The following RTN1 variants were observed in gnomAD, a reference collection of about 807,000 sequenced individuals.
RTN1 encodes reticulon 1, also known as reticulon-1.
Under a neutral mutation model 65.5 loss-of-function variants are expected in RTN1, and 25 were observed. That is an observed-to-expected ratio of 0.38 (90% confidence interval 0.28 to 0.53). RTN1 has a LOEUF of 0.53. RTN1 is among the 20% of genes least tolerant of loss of function. RTN1 has a pLI of 0.79. For synonymous variants in RTN1, 471 were observed against 447.6 expected, an observed-to-expected ratio of 1.05 and a Z score of -0.66; for missense variants, 983 against 1,025.4, an observed-to-expected ratio of 0.96 and a Z score of 0.57.
chr14:59,781,559 G>T (rs528292592), intron 1 of RTN1, among the ~76,000 whole-genome samples: 3 of 152,114 alleles, frequency 2.0e-5, no homozygotes, highest in African/African-American at 7.2e-5. Context: ...CCATGTTCTG[G>T]CATGGTTCAC....
rs145057113 is a variant in RTN1, at chr14:59,717,058, A to G, written c.1765+9861T>C. On this transcript the variant is annotated intron_variant, in intron 3 of 8. Coordinates refer to ENST00000267484, the MANE Select transcript of RTN1 (RefSeq NM_021136.3). ...CCACTGGATGGCAATAGACATTAAC[A>G]GTGAGTGGGGATAATCAATACAAAA... Among the ~76,000 whole-genome samples the G allele has an allele frequency of 2.2e-4, 33 of 152,178 alleles. 1 individual carries two copies. The highest frequency in any genetic ancestry group is 1.7e-3 in the Admixed American group (26 of 15,286).
chr14:59,844,393 T>G (rs1887369431), intron 1 of RTN1, among the ~76,000 whole-genome samples: 1 of 152,250 alleles, frequency 6.6e-6, no homozygotes. Flanking sequence ...TGCTTGCCAA[T>G]GCACTCTGCT....
rs536119592 is a variant in RTN1, at chr14:59,846,775, G to A, written c.241+23615C>T. On this transcript the variant is annotated intron_variant, in intron 1 of 8. Coordinates refer to ENST00000267484, the MANE Select transcript of RTN1 (RefSeq NM_021136.3). The surrounding 1 kb of genome is among the most constrained non-coding windows in gnomAD (Gnocchi z 4.8). ...CCAAGTGCCCCTTGGTTCGTAGCCAGGTGTCCGCATACCTGTTTGAGATGC... is the reference window on the plus strand; with the variant it reads ...CCAAGTGCCCCTTGGTTCGTAGCCAAGTGTCCGCATACCTGTTTGAGATGC... Among the ~76,000 whole-genome samples the A allele has an allele frequency of 6.6e-6, 1 of 152,118 alleles. No individual in the cohort carries two copies. The highest frequency in any genetic ancestry group is 1.5e-5 in the Non-Finnish European group (1 of 68,032).
At chr14:59,683,179 A>G (rs1412268413) in intron 3 of RTN1, among the ~76,000 whole-genome samples, 1 of 152,144 alleles carries the variant, frequency 6.6e-6, no homozygotes, top group African/African-American at 2.4e-5. Context: ...GCTTTTATAT[A>G]GCTGAAAAAT....
chr14:59,860,510 C>A (rs1401266745), intron 1 of RTN1, among the ~76,000 whole-genome samples: 1 of 152,212 alleles, frequency 6.6e-6, no homozygotes, highest in African/African-American at 2.4e-5. Flanking sequence ...GAGCCCCACA[C>A]AGACTCCCTA....
chr14:59,652,187 G>A (rs1031823586), intron 3 of RTN1, among the ~76,000 whole-genome samples: 2 of 152,224 alleles, frequency 1.3e-5, no homozygotes, highest in Non-Finnish European at 2.9e-5. Context: ...AATAGCAGAT[G>A]CTGGTGAGGT....
chr14:59,717,794 A>G (rs879753593), intron 3 of RTN1, among the ~76,000 whole-genome samples: 2 of 152,208 alleles, frequency 1.3e-5, no homozygotes, highest in Non-Finnish European at 2.9e-5. Context: ...CAAACAGAAA[A>G]TCCAACTGGC....
At chr14:59,648,360 A>G (rs1882945879) in intron 3 of RTN1, among the ~76,000 whole-genome samples, 1 of 152,128 alleles carries the variant, frequency 6.6e-6, no homozygotes, top group African/African-American at 2.4e-5. Context: ...CTGCCATTAA[A>G]ATAAAGAAAG....
intron 1 of RTN1, among the ~76,000 whole-genome samples, chr14:59,817,925 G>A (rs996677701): frequency 2.0e-5 from 3 of 152,050 alleles, no homozygotes; most frequent in African/African-American, 7.2e-5. Flanking sequence ...TTTGTTACAC[G>A]AGTAAATTGT....
Position 59,727,171 on chromosome 14 carries a change from G to C in RTN1, c.1513C>G (p.Arg505Gly). ...CGGCTTGGCGCACGCTCCTCGGCCC[G>C]GACGCCAGTCTCCTCCCGGATGGCA... ...LDAIREETGV[R>G]AEERAPSRRG... Residue 505 changes from arginine (R) to glycine (G), a missense_variant, in exon 3 of 9, where the codon CGG becomes GGG. This residue lies in a region of RTN1 where 818 missense variants were observed against 801.8 expected (regional missense o/e 1.02). Transcript: ENST00000267484. This position sits in a 1 kb window ranked among gnomAD's most constrained non-coding sequence, Gnocchi z 4.2. 6.3e-7 allele frequency: 1 copy of C among 1,590,214 alleles called. No individual in the cohort carries two copies. The highest frequency in any genetic ancestry group is 1.8e-5 in the Admixed American group (1 of 56,598).
At chr14:59,749,497 A>G (rs1453391401) in intron 1 of RTN1, among the ~76,000 whole-genome samples, 1 of 74,096 alleles carries the variant, frequency 1.3e-5, no homozygotes, top group Admixed American at 2.3e-4. Flanking sequence ...ATATCTATAT[A>G]TATCTATATA....
intron 3 of RTN1, among the ~76,000 whole-genome samples, chr14:59,643,366 C>T (rs375028136): frequency 3.3e-5 from 5 of 152,246 alleles, no homozygotes; most frequent in African/African-American, 1.2e-4. Context: ...ATTACAGGTG[C>T]CTGCCACCAT....
At chr14:59,750,235 TATATTATATCTATAATATATAA>T (rs1885444563) in intron 1 of RTN1, among the ~76,000 whole-genome samples, 1 of 75,486 alleles carries the variant, frequency 1.3e-5, no homozygotes, top group African/African-American at 5.9e-5. Context: ...CTATAATATA[TATATTATATCTATAATATATAA>T]TATATATAAT....
intron 1 of RTN1, among the ~76,000 whole-genome samples, chr14:59,784,214 G>A (rs932240895): frequency 2.0e-5 from 3 of 152,044 alleles, no homozygotes; most frequent in Admixed American, 6.6e-5. Flanking sequence ...CAAGGCAGGC[G>A]GATCACCTGA....
chr14:59,664,975 T>C (rs998080051), intron 3 of RTN1, among the ~76,000 whole-genome samples: 2 of 152,214 alleles, frequency 1.3e-5, no homozygotes, highest in African/African-American at 4.8e-5. Context: ...AGTGATCCAG[T>C]ATCTCCACAT....
chr14:59,669,701 C>T (rs1037866998), intron 3 of RTN1, among the ~76,000 whole-genome samples: 3 of 152,168 alleles, frequency 2.0e-5, no homozygotes, highest in African/African-American at 7.2e-5. Context: ...AGTGCCCTGG[C>T]ACTAGAGCTC....
At chr14:59,659,323 A>G (rs904793661) in intron 3 of RTN1, among the ~76,000 whole-genome samples, 5 of 152,228 alleles carry the variant, frequency 3.3e-5, no homozygotes, top group Admixed American at 2.0e-4. Flanking sequence ...TCTTCAGGGT[A>G]TTATCCAGGA....
At chr14:59,818,101 C>T (rs1323970153) in intron 1 of RTN1, among the ~76,000 whole-genome samples, 1 of 152,160 alleles carries the variant, frequency 6.6e-6, no homozygotes, top group African/African-American at 2.4e-5. Flanking sequence ...ATGTTTAGCT[C>T]CCATTTATAA....
At chr14:59,692,049 C>T (rs1883972528) in intron 3 of RTN1, among the ~76,000 whole-genome samples, 2 of 152,072 alleles carry the variant, frequency 1.3e-5, no homozygotes, top group African/African-American at 4.8e-5. Context: ...CCCATTCTCA[C>T]CACTCCAATA....
Sources: allele counts gnomAD v4.1 joint callset (sites outside exome capture counted in the v4.1 genomes callset), GRCh38; gene constraint gnomAD v4.1.1; regional missense constraint gnomAD v4.1.1; non-coding constraint Gnocchi (gnomAD v3.1); transcripts MANE v1.5; gene names NCBI Gene and HGNC (gene_info 2026-07-23, HGNC 2026-07-21).